NIBAN1: variants seen among roughly 807,000 people sequenced by gnomAD.
NIBAN1 encodes protein Niban 1.
NIBAN1 carries 81 observed loss-of-function variants against 75.1 expected under a neutral mutation model. The ratio of observed to expected loss-of-function variants is 1.08; its 90% confidence interval spans 0.90 to 1.30. The LOEUF (loss-of-function observed/expected upper bound fraction) is 1.30. Ranked by LOEUF, NIBAN1 falls within the 50% of genes most tolerant of loss-of-function variation. NIBAN1 has a pLI of 0.00. For missense variants in NIBAN1, 1,133 were observed against 1,128.1 expected (o/e 1.00, Z -0.06); for synonymous variants, 436 against 424.8 (o/e 1.03, Z -0.32).
At chr1:184,920,295 CAG>C (rs1657496391) in intron 1 of NIBAN1, among the ~76,000 whole-genome samples, 1 of 152,132 alleles carries the variant, frequency 6.6e-6, no homozygotes, top group South Asian at 2.1e-4. Context: ...TTATGGGATA[CAG>C]AGTGTGATAT....
At chr1:184,873,704 T>C (rs910362768) in intron 5 of NIBAN1, among the ~76,000 whole-genome samples, 3 of 152,218 alleles carry the variant, frequency 2.0e-5, no homozygotes, top group Non-Finnish European at 4.4e-5. Flanking sequence ...AATTGGTATA[T>C]AAGCCCCCAA....
chr1:184,943,245 T>TGG (rs1453162522), intron 1 of NIBAN1, among the ~76,000 whole-genome samples: 1 of 152,214 alleles, frequency 6.6e-6, no homozygotes, highest in Non-Finnish European at 1.5e-5. Flanking sequence ...CAGAATGAGT[T>TGG]CCATGAGAAG....
At chr1:184,922,419 C>T (rs2102020292) in intron 1 of NIBAN1, among the ~76,000 whole-genome samples, 1 of 152,170 alleles carries the variant, frequency 6.6e-6, no homozygotes, top group East Asian at 1.9e-4. Flanking sequence ...CCTCTGGTAA[C>T]TACTGTTCTA....
At position 184,911,092 on chromosome 1, in the gene NIBAN1, T is replaced by C. The variant is rs1032966184; in HGVS notation, c.56-11783A>G. 2.9e-3 allele frequency among the ~76,000 whole-genome samples: 404 copies of C among 140,152 alleles called. 4 individuals are homozygous for C. Among genetic ancestry groups the C allele is most frequent in the African/African-American group, 2.6e-3 (95 of 36,050 alleles). The allele number at this position is 140,152 out of a possible 152,430, so 91.9% of individuals were successfully genotyped here. ...ACACACACACACACACACACACACATATATATATATCCCATTAGTTATGTT... is the reference window on the plus strand; with the variant it reads ...ACACACACACACACACACACACACACATATATATATCCCATTAGTTATGTT... On this transcript the variant is annotated intron_variant, in intron 1 of 13. Transcript: ENST00000367511.
chr1:184,944,049 G>T (rs111403968), intron 1 of NIBAN1, among the ~76,000 whole-genome samples: 2 of 152,154 alleles, frequency 1.3e-5, no homozygotes, highest in Non-Finnish European at 2.9e-5. Context: ...CTCTACGGAC[G>T]TTGCTGATTG....
At chr1:184,829,176 T>G (rs1654926923) in intron 6 of NIBAN1, among the ~76,000 whole-genome samples, 1 of 152,198 alleles carries the variant, frequency 6.6e-6, no homozygotes, top group African/African-American at 2.4e-5. Context: ...TGTTTTGTTT[T>G]GCTTTCCCAC....
At chr1:184,817,275 A>G (rs897505270) in intron 9 of NIBAN1, among the ~76,000 whole-genome samples, 1 of 152,162 alleles carries the variant, frequency 6.6e-6, no homozygotes, top group African/African-American at 2.4e-5. Context: ...TCTATCATTG[A>G]TGGACATTTG....
chr1:184,913,757 C>T (rs1657308799), intron 1 of NIBAN1, among the ~76,000 whole-genome samples: 1 of 152,130 alleles, frequency 6.6e-6, no homozygotes, highest in Admixed American at 6.5e-5. Flanking sequence ...TGAAGGACTG[C>T]CTAGACATAA....
chr1:184,890,067 C>T (rs925011036), intron 4 of NIBAN1, 41 bp downstream of exon 4: 10 of 1,435,576 alleles, frequency 7.0e-6, no homozygotes, highest in South Asian at 1.1e-5. Flanking sequence ...AACAAAGAAG[C>T]TTAGTCATTT....
At chr1:184,864,953 AG>A (rs1379013161) in intron 5 of NIBAN1, among the ~76,000 whole-genome samples, 1 of 151,222 alleles carries the variant, frequency 6.6e-6, no homozygotes, top group Non-Finnish European at 1.5e-5. Context: ...ACCTCATCAC[AG>A]GTTTTAGCTG....
At chr1:184,926,276 C>T (rs1002493850) in intron 1 of NIBAN1, among the ~76,000 whole-genome samples, 2 of 152,142 alleles carry the variant, frequency 1.3e-5, no homozygotes, top group East Asian at 1.9e-4. Flanking sequence ...CTCACTCTAT[C>T]GCCCAGGCTG....
chr1:184,801,037 T>C (rs1276802826), intron 12 of NIBAN1, among the ~76,000 whole-genome samples: 2 of 152,230 alleles, frequency 1.3e-5, no homozygotes, highest in Admixed American at 6.5e-5. Flanking sequence ...AGGGCAGGGA[T>C]CAAAATGTAC....
intron 1 of NIBAN1, among the ~76,000 whole-genome samples, chr1:184,921,352 C>G (rs1034104276): frequency 6.6e-6 from 1 of 151,536 alleles, no homozygotes; most frequent in East Asian, 1.9e-4. Context: ...CTAAGGTAAG[C>G]GAAAACAACA....
Position 184,794,871 on chromosome 1 carries a change from G to T in NIBAN1, c.*106C>A. 6.8e-7 allele frequency: 1 copy of T among 1,480,078 alleles called. No individual in the cohort carries two copies. Among genetic ancestry groups the T allele is most frequent in the Non-Finnish European group, 9.3e-7 (1 of 1,074,638 alleles). 91.7% of individuals were successfully genotyped at this position (1,480,078 alleles called of 1,614,324 possible). On this transcript the variant is annotated 3_prime_UTR_variant, in exon 14 of 14. Transcript: ENST00000367511. ...CCTCTGGTTTTATTATTCAAATTAA[G>T]AAAATACTTAAAAATTTTTTGGTAA... is the stretch of plus-strand genomic sequence containing the variant.
Position 184,818,623 on chromosome 1 carries a change from A to G in NIBAN1, c.1173+15T>C. 1 of 1,563,468 alleles carries G rather than the reference A, an allele frequency of 6.4e-7. No individual in the cohort carries two copies. Among genetic ancestry groups the G allele is most frequent in the South Asian group, 1.2e-5 (1 of 85,438 alleles). ...GCAGACCATTCACACCCAGCTCCTC[A>G]GCTTTGTATCCTACCTCCTTTAGCT... On this transcript the variant is annotated intron_variant, in intron 9 of 13. Coordinates refer to ENST00000367511, the MANE Select transcript of NIBAN1 (RefSeq NM_052966.4).
At chr1:184,940,402 C>A (rs2102047247) in intron 1 of NIBAN1, among the ~76,000 whole-genome samples, 1 of 151,746 alleles carries the variant, frequency 6.6e-6, no homozygotes, top group South Asian at 2.1e-4. Context: ...GCAGGCCTGG[C>A]AGTAATGTGG....
intron 1 of NIBAN1, among the ~76,000 whole-genome samples, chr1:184,901,889 T>C (rs1392740680): frequency 6.6e-6 from 1 of 152,226 alleles, no homozygotes; most frequent in East Asian, 1.9e-4. Flanking sequence ...GCAGCTTCTT[T>C]AGGTAATTAA....
intron 5 of NIBAN1, among the ~76,000 whole-genome samples, chr1:184,869,995 T>C (rs1349404331): frequency 2.6e-5 from 4 of 152,210 alleles, no homozygotes; most frequent in Admixed American, 6.5e-5. Context: ...AGGAAGACCC[T>C]AGGCAACAAC....
At chr1:184,910,334 T>C (rs1414264363) in intron 1 of NIBAN1, among the ~76,000 whole-genome samples, 1 of 152,152 alleles carries the variant, frequency 6.6e-6, no homozygotes, top group Non-Finnish European at 1.5e-5. Flanking sequence ...ATCCATATAC[T>C]GATGAAAACA....
Sources: allele counts gnomAD v4.1 joint callset (sites outside exome capture counted in the v4.1 genomes callset), GRCh38; gene constraint gnomAD v4.1.1; transcripts MANE v1.5; gene names NCBI Gene and HGNC (gene_info 2026-07-23, HGNC 2026-07-21).